The following AMZ1 variants were observed in gnomAD, a reference collection of about 807,000 sequenced individuals.
AMZ1 encodes archaelysin family metallopeptidase 1.
A neutral mutation model predicts 29.9 loss-of-function variants in AMZ1; 39 were observed. The ratio of observed to expected loss-of-function variants is 1.30; its 90% CI spans 1.01 to 1.70. AMZ1 has a LOEUF of 1.70. Ranked by LOEUF, AMZ1 falls within the 40% of genes most tolerant of loss-of-function variation. The pLI, the probability that AMZ1 is intolerant of heterozygous loss-of-function variation, is 0.00. For synonymous variants in AMZ1, 458 were observed against 304.0 expected (o/e 1.51, Z -5.27); for missense variants, 1,041 against 680.6 (o/e 1.53, Z -5.89).
At position 2,688,248 on chromosome 7, in the gene AMZ1, C is replaced by G. The variant is rs1177725047; in HGVS notation, c.-267C>G. On this transcript the variant is annotated 5_prime_UTR_variant, in exon 1 of 7. Transcript: ENST00000683327. ...GCTGCCCACGCTGCTGCCCGGGGCT[C>G]GGTGCCCGGCGCGGCCTCTGCCGGC... 6.6e-6 allele frequency: 1 copy of G among 151,826 alleles called. No homozygotes were observed. Among genetic ancestry groups the G allele is most frequent in the Admixed American group, 6.6e-5 (1 of 15,244 alleles). 9.4% of individuals were successfully genotyped at this position (151,826 alleles called of 1,614,324 possible). A position where few individuals can be genotyped will look rare whatever the true frequency, so the allele number is the denominator to read the frequency against.
intron 3 of AMZ1, among the ~76,000 whole-genome samples, chr7:2,708,128 G>A (rs762299904): frequency 5.3e-5 from 8 of 152,076 alleles, no homozygotes; most frequent in East Asian, 3.9e-4. Flanking sequence ...CGGCCTTACC[G>A]AGGGTTCTTG....
rs1294733110 is a variant in AMZ1, at chr7:2,715,449, C to A, written c.*2571C>A. ...GGTGATAAAAATAGAATGCCTGGCTCATGCTGAGGGTGGGAGCCCACTGGG... is the reference window on the plus strand; with the variant it reads ...GGTGATAAAAATAGAATGCCTGGCTAATGCTGAGGGTGGGAGCCCACTGGG... On this transcript the variant is annotated 3_prime_UTR_variant, in exon 7 of 7. Transcript: ENST00000683327. The A allele has an allele frequency of 6.6e-6, 1 of 152,350 alleles. No individual in the cohort carries two copies. Among genetic ancestry groups the A allele is most frequent in the South Asian group, 2.1e-4 (1 of 4,830 alleles). The allele number at this position is 152,350 out of a possible 1,614,324, so 9.4% of individuals were successfully genotyped here.
intron 4 of AMZ1, among the ~76,000 whole-genome samples, chr7:2,753,971 C>T (rs1375920630): frequency 1.3e-5 from 2 of 152,112 alleles, no homozygotes; most frequent in African/African-American, 2.4e-5. Context: ...ATCTTAGGTG[C>T]TTTGTTCACT....
chr7:2,685,350 G>A (rs977798294), upstream of AMZ1, among the ~76,000 whole-genome samples: 2 of 151,622 alleles, frequency 1.3e-5, no homozygotes, highest in Non-Finnish European at 2.9e-5. Context: ...TTGAAGTCAG[G>A]AGTTCGAGAC....
upstream of AMZ1, among the ~76,000 whole-genome samples, chr7:2,687,145 G>A (rs1326675965): frequency 1.3e-5 from 2 of 152,062 alleles, no homozygotes; most frequent in African/African-American, 4.8e-5. Flanking sequence ...TGGCCAAGAA[G>A]GTGAAACCCC....
chr7:2,695,208 C>G (rs928298265), intron 1 of AMZ1, among the ~76,000 whole-genome samples: 3 of 152,178 alleles, frequency 2.0e-5, no homozygotes, highest in African/African-American at 7.2e-5. Flanking sequence ...TCTGATGTTT[C>G]TTTCTTCCTT....
upstream of AMZ1, among the ~76,000 whole-genome samples, chr7:2,763,972 G>A (rs1791695154): frequency 6.6e-6 from 1 of 152,202 alleles, no homozygotes; most frequent in African/African-American, 2.4e-5. Context: ...CACTACAGGG[G>A]CATGAGAACA....
At chr7:2,736,757 G>A (rs1474336643) in intron 4 of AMZ1, among the ~76,000 whole-genome samples, 2 of 152,292 alleles carry the variant, frequency 1.3e-5, no homozygotes, top group African/African-American at 4.8e-5. Flanking sequence ...GCTTGCTGCC[G>A]CTCAGAACTC....
At chr7:2,683,101 C>T (rs1273944432) in intron 1 of AMZ1, among the ~76,000 whole-genome samples, 2 of 152,224 alleles carry the variant, frequency 1.3e-5, no homozygotes, top group Non-Finnish European at 2.9e-5. Flanking sequence ...GTGCCAATGC[C>T]CCGGGAGAGT....
chr7:2,746,449 A>C (rs1267678385), intron 4 of AMZ1, among the ~76,000 whole-genome samples: 5 of 151,918 alleles, frequency 3.3e-5, no homozygotes, highest in Non-Finnish European at 4.4e-5. Flanking sequence ...AGGCAGAAAT[A>C]AAGATGTTCT....
chr7:2,708,514 G>T (rs902149567), intron 3 of AMZ1, 74 bp from the exon 4 acceptor site: 1 of 1,590,744 alleles, frequency 6.3e-7, no homozygotes, highest in Non-Finnish European at 8.5e-7. Context: ...AGGATGACGG[G>T]GTGCCAGCCT....
Position 2,709,260 on chromosome 7 carries a change from G to A in AMZ1, c.771+16G>A, listed in dbSNP as rs753754356. The A allele has an allele frequency of 6.7e-7, 1 of 1,488,672 alleles. No individual in the cohort carries two copies. Among genetic ancestry groups the A allele is most frequent in the Non-Finnish European group, 8.9e-7 (1 of 1,123,926 alleles). 92.2% of individuals were successfully genotyped at this position (1,488,672 alleles called of 1,614,324 possible). ...GTGCTGCAAGGTGGGTGGGGGCTCTGGGGCTGGTAAGAGGGGACAGGAGGG... is the reference window on the plus strand; with the variant it reads ...GTGCTGCAAGGTGGGTGGGGGCTCTAGGGCTGGTAAGAGGGGACAGGAGGG... On this transcript the variant is annotated intron_variant, in intron 5 of 6. Transcript: ENST00000683327.
At chr7:2,739,367 C>T (rs970609440) in intron 4 of AMZ1, among the ~76,000 whole-genome samples, 10 of 152,284 alleles carry the variant, frequency 6.6e-5, no homozygotes, top group East Asian at 1.9e-4. Flanking sequence ...CTCATTGGAG[C>T]GCATTCACAC....
intron 6 of AMZ1, among the ~76,000 whole-genome samples, chr7:2,711,840 T>C (rs1168912059): frequency 6.6e-6 from 1 of 152,152 alleles, no homozygotes; most frequent in Non-Finnish European, 1.5e-5. Flanking sequence ...GGTCAGGAGT[T>C]TGAGACCAGC....
At chr7:2,757,287 A>G (rs551284158) in intron 4 of AMZ1, among the ~76,000 whole-genome samples, 4 of 151,496 alleles carry the variant, frequency 2.6e-5, no homozygotes, top group Non-Finnish European at 5.9e-5. Flanking sequence ...AGCGCCCGCC[A>G]CCATGCCCGG....
intron 1 of AMZ1, among the ~76,000 whole-genome samples, chr7:2,680,652 C>T (rs1029481842): frequency 6.6e-6 from 1 of 152,256 alleles, no homozygotes; most frequent in Non-Finnish European, 1.5e-5. Context: ...GTCTTGGCTG[C>T]TTCAGGCCAG....
At chr7:2,747,944 A>C (rs934543772) in intron 4 of AMZ1, among the ~76,000 whole-genome samples, 1 of 151,664 alleles carries the variant, frequency 6.6e-6, no homozygotes, top group Non-Finnish European at 1.5e-5. Flanking sequence ...TAGGAATCCA[A>C]CTTACAAGGG....
intron 3 of AMZ1, 66 bp from the exon 4 acceptor site, chr7:2,708,522 C>A (rs768009496): frequency 6.3e-6 from 10 of 1,598,236 alleles, no homozygotes; most frequent in African/African-American, 1.3e-5. Context: ...GGGGTGCCAG[C>A]CTGAGCCTGG....
At chr7:2,703,554 G>A (rs77846999) in intron 3 of AMZ1, among the ~76,000 whole-genome samples, 3,019 of 152,186 alleles carry the variant, frequency 0.02, 89 homozygotes, top group African/African-American at 0.062. Flanking sequence ...CCTGAGGGTC[G>A]CTGGTGACTG....
Sources: gnomAD v4.1 joint callset for allele counts (sites outside exome capture counted in the v4.1 genomes callset) on GRCh38, gnomAD v4.1.1 for gene constraint, MANE v1.5 for transcripts, NCBI Gene and HGNC (gene_info 2026-07-23, HGNC 2026-07-21) for gene names.